SLC13A3: variants seen among roughly 807,000 people sequenced by gnomAD.
SLC13A3 encodes solute carrier family 13 member 3, also known as Na(+)/dicarboxylate cotransporter 3.
SLC13A3 carries 40 observed loss-of-function variants against 59.0 expected under a neutral mutation model. The observed-to-expected ratio is 0.68, with a 90% CI of 0.53 to 0.88. The LOEUF (loss-of-function observed/expected upper bound fraction) is 0.88. Among genes scored for constraint, SLC13A3 ranks in the 40% least tolerant of loss-of-function variants. SLC13A3 has a pLI of 0.00. For synonymous variants in SLC13A3, 317 were observed against 330.3 expected (o/e 0.96, Z 0.44); for missense variants, 699 against 783.2 (o/e 0.89, Z 1.28).
chr20:46,672,848 C>A (rs530884025), upstream of SLC13A3, among the ~76,000 whole-genome samples: 2 of 152,234 alleles, frequency 1.3e-5, no homozygotes, highest in African/African-American at 2.4e-5. Context: ...GCACAAGACA[C>A]ATGAATGAAG....
chr20:46,631,767 G>A lies in SLC13A3; in HGVS notation c.112-18042C>T, dbSNP rs371930410. Among the ~76,000 whole-genome samples, 12 of 152,222 alleles carry A rather than the reference G, an allele frequency of 7.9e-5. No homozygotes were observed. The South Asian group carries it at 1.2e-3, about 16-fold the overall frequency. ...AGGGATTAAAGCCTGCAAGCAAAAC[G>A]CGCAGGGGTGAGAGACGGGTGGAGA... On this transcript the variant is annotated intron_variant, in intron 1 of 12. Coordinates refer to ENST00000279027, the MANE Select transcript of SLC13A3 (RefSeq NM_022829.6).
At chr20:46,564,548 G>A (rs2061963230) in intron 11 of SLC13A3, among the ~76,000 whole-genome samples, 1 of 152,126 alleles carries the variant, frequency 6.6e-6, no homozygotes, top group African/African-American at 2.4e-5. Context: ...ACCTGGCTGG[G>A]TTCTATGCTC....
At chr20:46,633,751 G>C (rs997943878) in intron 1 of SLC13A3, among the ~76,000 whole-genome samples, 1 of 152,244 alleles carries the variant, frequency 6.6e-6, no homozygotes, top group African/African-American at 2.4e-5. Context: ...TTGTAGCTCA[G>C]AGAACTCAAG....
intron 1 of SLC13A3, among the ~76,000 whole-genome samples, chr20:46,621,320 C>A (rs1335919960): frequency 6.6e-6 from 1 of 152,142 alleles, no homozygotes; most frequent in South Asian, 2.1e-4. Flanking sequence ...ATGGTTTCTT[C>A]TGACTTCTTT....
intron 3 of SLC13A3, among the ~76,000 whole-genome samples, chr20:46,601,243 C>T (rs368772243): frequency 1.8e-4 from 27 of 152,084 alleles, no homozygotes; most frequent in African/African-American, 3.9e-4. Context: ...GGGCCTGGTC[C>T]GAGAGAATGG....
At chr20:46,642,677 A>G (rs140077729) in intron 1 of SLC13A3, among the ~76,000 whole-genome samples, 2 of 152,294 alleles carry the variant, frequency 1.3e-5, no homozygotes, top group African/African-American at 4.8e-5. Context: ...GCGCAAAGCC[A>G]ACCAGAGACA....
intron 11 of SLC13A3, 115 bp downstream of exon 11, chr20:46,566,114 T>C (rs1163774316): frequency 3.7e-6 from 3 of 808,756 alleles, no homozygotes; most frequent in South Asian, 1.6e-5. Flanking sequence ...CGTTCATGTA[T>C]TTTGGAAGAC....
At chr20:46,609,057 C>G (rs1282579518) in intron 3 of SLC13A3, 1 of 1,549,958 alleles carries the variant, frequency 6.5e-7, no homozygotes, top group Non-Finnish European at 8.7e-7. Context: ...GGGTTCTATT[C>G]CTAAAAGAAC....
At chr20:46,627,639 A>G (rs1407894062) in intron 1 of SLC13A3, among the ~76,000 whole-genome samples, 1 of 152,148 alleles carries the variant, frequency 6.6e-6, no homozygotes, top group East Asian at 1.9e-4. Context: ...AAAAAACTAC[A>G]TCTGCAGGTG....
chr20:46,593,976 A>T (rs2062284346), intron 5 of SLC13A3, among the ~76,000 whole-genome samples: 1 of 152,040 alleles, frequency 6.6e-6, no homozygotes. Context: ...AATCAGAATA[A>T]ACCAATAAAA....
chr20:46,568,759 A>G (rs1424870105), intron 10 of SLC13A3, among the ~76,000 whole-genome samples: 1 of 152,160 alleles, frequency 6.6e-6, no homozygotes, highest in African/African-American at 2.4e-5. Context: ...GAGAGGGGCT[A>G]GAGAGAGGGA....
At chr20:46,680,158 G>A (rs575965669) in intron 1 of SLC13A3, among the ~76,000 whole-genome samples, 1 of 152,238 alleles carries the variant, frequency 6.6e-6, no homozygotes, top group East Asian at 1.9e-4. Flanking sequence ...GCATCACCTG[G>A]GAAGTTGTTA....
intron 1 of SLC13A3, among the ~76,000 whole-genome samples, chr20:46,617,514 G>A (rs1275408799): frequency 6.6e-6 from 1 of 152,042 alleles, no homozygotes; most frequent in African/African-American, 2.4e-5. Context: ...ACCTTCCCAG[G>A]CTCTTTCTGC....
intron 1 of SLC13A3, among the ~76,000 whole-genome samples, chr20:46,656,821 C>T (rs986840435): frequency 1.3e-5 from 2 of 152,040 alleles, no homozygotes; most frequent in Non-Finnish European, 2.9e-5. Flanking sequence ...TCTATTCTCT[C>T]TCTGTTGTTC....
chr20:46,625,654 T>A (rs917312726), intron 1 of SLC13A3, among the ~76,000 whole-genome samples: 11 of 152,214 alleles, frequency 7.2e-5, no homozygotes, highest in African/African-American at 2.4e-4. Flanking sequence ...GTGCTGCAAT[T>A]TCTATCACTA....
At chr20:46,620,580 A>C (rs945187231) in intron 1 of SLC13A3, among the ~76,000 whole-genome samples, 2 of 152,210 alleles carry the variant, frequency 1.3e-5, no homozygotes, top group Non-Finnish European at 2.9e-5. Flanking sequence ...CTACAAAGAA[A>C]TTCTAGTTTA....
At chr20:46,561,891 G>A (rs2061934940) in intron 12 of SLC13A3, among the ~76,000 whole-genome samples, 1 of 152,032 alleles carries the variant, frequency 6.6e-6, no homozygotes, top group East Asian at 1.9e-4. Context: ...TCCCATGTTA[G>A]CTACTTCATT....
At chr20:46,579,313 C>T (rs2062111564) in intron 9 of SLC13A3, among the ~76,000 whole-genome samples, 1 of 152,018 alleles carries the variant, frequency 6.6e-6, no homozygotes, top group Admixed American at 6.6e-5. Context: ...TTTCTGGAGA[C>T]AGGCTCTTGT....
chr20:46,656,351 C>T (rs1477508712), upstream of SLC13A3, among the ~76,000 whole-genome samples: 1 of 93,840 alleles, frequency 1.1e-5, no homozygotes, highest in African/African-American at 3.8e-5. Flanking sequence ...ATATATTATA[C>T]TGTATATGAT....
Sources: allele counts gnomAD v4.1 joint callset (sites outside exome capture counted in the v4.1 genomes callset), GRCh38; gene constraint gnomAD v4.1.1; transcripts MANE v1.5; gene names NCBI Gene and HGNC (gene_info 2026-07-23, HGNC 2026-07-21).